The following PRDM1 variants were observed in gnomAD, a reference collection of about 807,000 sequenced individuals.
PRDM1 encodes PR domain zinc finger protein 1.
In PRDM1, 13 loss-of-function variants were observed where a neutral mutation model predicts 62.8. The observed-to-expected ratio is 0.21, with a 90% confidence interval of 0.13 to 0.33. PRDM1 has a LOEUF of 0.33. Among genes scored for constraint, PRDM1 ranks in the 10% least tolerant of loss-of-function variants. The probability of loss-of-function intolerance (pLI) is 1.00; values close to 1 mark genes in which losing one functional copy is unlikely to be tolerated. For missense variants in PRDM1, 895 were observed against 1,058.8 expected, an observed-to-expected ratio of 0.85 and a Z score of 2.15; for synonymous variants, 396 against 417.6, an observed-to-expected ratio of 0.95 and a Z score of 0.63.
At chr6:106,092,642 G>A (rs1773995533) in intron 2 of PRDM1, among the ~76,000 whole-genome samples, 1 of 152,182 alleles carries the variant, frequency 6.6e-6, no homozygotes, top group Non-Finnish European at 1.5e-5. Context: ...AGTCTAAGAT[G>A]CACATTCTGG....
chr6:105,997,187 C>T (rs1772358772), intron 1 of PRDM1, among the ~76,000 whole-genome samples: 1 of 152,230 alleles, frequency 6.6e-6, no homozygotes, highest in African/African-American at 2.4e-5. Context: ...AAGCCTAAGA[C>T]ACTGGGATGG....
At chr6:106,102,886 A>G (rs1774314845) in intron 4 of PRDM1, among the ~76,000 whole-genome samples, 1 of 152,174 alleles carries the variant, frequency 6.6e-6, no homozygotes, top group Non-Finnish European at 1.5e-5. Context: ...AGATGTTTCC[A>G]AATAATTCTT....
At position 106,107,167 on chromosome 6, in the gene PRDM1, T is replaced by C. The variant is rs1774516584; in HGVS notation, c.2159T>C (p.Leu720Ser). 9 of 1,614,032 alleles carry C rather than the reference T, an allele frequency of 5.6e-6. No individual in the cohort carries two copies. The highest frequency in any genetic ancestry group is 5.5e-5 in the South Asian group (5 of 91,078). ...GCGGCCCCGGCGCCTGGGCTGCCCTTGGAAGATCTGACCCGAATCAATGAA... is the reference window on the plus strand; with the variant it reads ...GCGGCCCCGGCGCCTGGGCTGCCCTCGGAAGATCTGACCCGAATCAATGAA... ...CAAAPAPGLPLEDLTRINEEI... is the reference protein window; with the variant it reads ...CAAAPAPGLPSEDLTRINEEI... Residue 720 changes from leucine (L) to serine (S), a missense_variant, in exon 7 of 7, where the codon TTG becomes TCG. Transcript: ENST00000369096.
At chr6:106,086,255 T>G (rs1305029337), upstream of PRDM1, 1 of 397,558 alleles carries the variant, frequency 2.5e-6, no homozygotes, top group African/African-American at 2.1e-5. Context: ...CCAGGTGGTG[T>G]TGGCCACGTT....
intron 1 of PRDM1, among the ~76,000 whole-genome samples, chr6:106,041,461 G>GT (rs1170621730): frequency 6.6e-6 from 1 of 152,040 alleles, no homozygotes. Context: ...CTTAAAATAC[G>GT]TTTTTTGTTT....
At chr6:106,043,054 T>A (rs906755418) in intron 1 of PRDM1, among the ~76,000 whole-genome samples, 22 of 152,210 alleles carry the variant, frequency 1.4e-4, no homozygotes, top group African/African-American at 4.3e-4. Context: ...TTTCACCATG[T>A]TGGCCAGGCT....
chr6:106,029,787 GT>G (rs1285952010), intron 1 of PRDM1, among the ~76,000 whole-genome samples: 1 of 151,268 alleles, frequency 6.6e-6, no homozygotes, highest in Non-Finnish European at 1.5e-5. Context: ...GTTTTTTTTT[GT>G]TTGTATCTTT....
chr6:106,063,357 T>C (rs1476762345), intron 1 of PRDM1, among the ~76,000 whole-genome samples: 2 of 152,106 alleles, frequency 1.3e-5, no homozygotes, highest in African/African-American at 2.4e-5. Flanking sequence ...TGCCTATAAA[T>C]GTCTCACACC....
rs1562176837 is a variant in PRDM1 at position 106,107,546 on chromosome 6, G to T, written c.*60G>T. On this transcript the variant is annotated 3_prime_UTR_variant, in exon 7 of 7. Transcript: ENST00000369096. ...TATGACTTGGTGAGTCAGGGTGCCT[G>T]TAGGAAGTGGCTTGTACATAATCCC... 1.4e-5 allele frequency: 20 copies of T among 1,438,020 alleles called. No homozygotes were observed. The highest frequency in any genetic ancestry group is 1.9e-5 in the Non-Finnish European group (20 of 1,062,570). 89.1% of individuals were successfully genotyped at this position (1,438,020 alleles called of 1,614,324 possible).
At chr6:106,091,534 C>T (rs1333063122) in intron 2 of PRDM1, among the ~76,000 whole-genome samples, 1 of 152,014 alleles carries the variant, frequency 6.6e-6, no homozygotes, top group African/African-American at 2.4e-5. Flanking sequence ...AATCCCAGCA[C>T]TTTGGGAGGC....
intron 1 of PRDM1, among the ~76,000 whole-genome samples, chr6:106,080,636 A>G (rs1040872071): frequency 6.6e-6 from 1 of 152,188 alleles, no homozygotes; most frequent in Non-Finnish European, 1.5e-5. Flanking sequence ...AGTAGCTTGG[A>G]TTTATCAGCT....
chr6:106,023,761 C>A (rs1772730069), intron 1 of PRDM1, among the ~76,000 whole-genome samples: 2 of 152,190 alleles, frequency 1.3e-5, no homozygotes. Context: ...CTGGAATCTG[C>A]TAGCTGATAT....
intron 1 of PRDM1, chr6:106,078,335 G>A (rs1449681924): frequency 1.3e-5 from 2 of 152,142 alleles, no homozygotes; most frequent in African/African-American, 4.8e-5. Context: ...GGAATAAAAT[G>A]AGACCCAGTT....
chr6:106,021,181 A>C (rs1380121439), intron 1 of PRDM1, among the ~76,000 whole-genome samples: 1 of 152,246 alleles, frequency 6.6e-6, no homozygotes, highest in Non-Finnish European at 1.5e-5. Flanking sequence ...TAAACTGAGC[A>C]GACTTCAGGC....
chr6:106,098,698 C>T, intron 3 of PRDM1: 1 of 1,375,948 alleles, frequency 7.3e-7, no homozygotes, highest in South Asian at 1.2e-5. Context: ...TCACCTTTGC[C>T]CCACCCAGTG....
intron 1 of PRDM1, among the ~76,000 whole-genome samples, chr6:106,031,377 G>C (rs1217632096): frequency 6.6e-6 from 1 of 152,216 alleles, no homozygotes; most frequent in African/African-American, 2.4e-5. Flanking sequence ...CCAGGCTTAG[G>C]GGGCAAAAGA....
chr6:106,017,588 G>C (rs948997581), intron 1 of PRDM1, among the ~76,000 whole-genome samples: 7 of 152,282 alleles, frequency 4.6e-5, no homozygotes, highest in African/African-American at 1.7e-4. Flanking sequence ...TGGGGTTTTG[G>C]GTAAGTTCAC....
At chr6:106,005,492 T>TAG (rs1321295671) in intron 1 of PRDM1, among the ~76,000 whole-genome samples, 1 of 152,236 alleles carries the variant, frequency 6.6e-6, no homozygotes, top group Admixed American at 6.5e-5. Context: ...CAGGTTTAGA[T>TAG]TTTCTGTTTG....
At chr6:106,024,282 G>A (rs938837871) in intron 1 of PRDM1, among the ~76,000 whole-genome samples, 6 of 152,218 alleles carry the variant, frequency 3.9e-5, no homozygotes, top group Admixed American at 1.3e-4. Flanking sequence ...TTAAATGCAA[G>A]CATTTGTGTG....
Sources: allele counts gnomAD v4.1 joint callset (sites outside exome capture counted in the v4.1 genomes callset), GRCh38; gene constraint gnomAD v4.1.1; transcripts MANE v1.5; gene names NCBI Gene and HGNC (gene_info 2026-07-23, HGNC 2026-07-21).